PCDH11X: variants seen among roughly 807,000 people sequenced by gnomAD.
PCDH11X encodes the protein protocadherin-11 X-linked.
PCDH11X carries 18 observed loss-of-function variants against 53.3 expected under a neutral mutation model. The observed-to-expected ratio is 0.34, with a 90% confidence interval of 0.23 to 0.50. PCDH11X has a LOEUF of 0.50. PCDH11X is among the 20% of genes least tolerant of loss of function. The pLI is 0.98. For synonymous variants in PCDH11X, 279 were observed against 393.3 expected (o/e 0.71, Z 3.44); for missense variants, 570 against 1,032.4 (o/e 0.55, Z 6.14).
At chrX:92,301,460 G>A (rs1269738813) in intron 8 of PCDH11X, among the ~76,000 whole-genome samples, 4 of 108,326 alleles carry the variant, frequency 3.7e-5, no homozygotes, top group Non-Finnish European at 5.7e-5. Context: ...AACCTTCTGG[G>A]CTCCACATAG....
intron 6 of PCDH11X, among the ~76,000 whole-genome samples, chrX:92,001,086 A>G (rs1193934948): frequency 6.5e-5 from 7 of 107,039 alleles, no homozygotes; most frequent in Non-Finnish European, 1.2e-4. Flanking sequence ...TCTTTTGGGT[A>G]TATACACAGC....
intron 9 of PCDH11X, among the ~76,000 whole-genome samples, chrX:92,445,125 T>A (rs149679976): frequency 0.025 from 2,566 of 103,489 alleles, 68 homozygotes; most frequent in Middle Eastern, 0.073. Context: ...ATAGTTTCAG[T>A]AGAATTGGGA....
chrX:92,159,616 T>TA (rs34112170), intron 6 of PCDH11X, among the ~76,000 whole-genome samples: 130 of 95,666 alleles, frequency 1.4e-3, no homozygotes, highest in Non-Finnish European at 2.1e-3. Context: ...TCATTGGGAT[T>TA]AAAAAAAAAA....
intron 5 of PCDH11X, among the ~76,000 whole-genome samples, chrX:91,847,410 G>A (rs1199381677): frequency 3.6e-5 from 4 of 110,517 alleles, no homozygotes; most frequent in East Asian, 5.7e-4. Context: ...TATTAGGATG[G>A]GTATATCATT....
chrX:92,369,796 C>T (rs895973902), intron 8 of PCDH11X, among the ~76,000 whole-genome samples: 1 of 111,064 alleles, frequency 9.0e-6, no homozygotes, highest in Non-Finnish European at 1.9e-5. Flanking sequence ...CGATGCCCCA[C>T]CCTGCTTCTG....
intron 6 of PCDH11X, among the ~76,000 whole-genome samples, chrX:92,101,226 G>A (rs139245763): frequency 0.013 from 1,446 of 111,327 alleles, 18 homozygotes; most frequent in African/African-American, 0.044. Flanking sequence ...ATAGGAGTAT[G>A]ACTAGACAGA....
At chrX:91,830,673 AG>A (rs921996685) in intron 4 of PCDH11X, among the ~76,000 whole-genome samples, 19 of 111,350 alleles carry the variant, frequency 1.7e-4, no homozygotes, top group African/African-American at 5.9e-4. Context: ...AGAACACAAC[AG>A]TAGTGACCAC....
At chrX:91,942,756 A>G (rs973267695) in intron 6 of PCDH11X, among the ~76,000 whole-genome samples, 2 of 111,061 alleles carry the variant, frequency 1.8e-5, no homozygotes, top group African/African-American at 6.5e-5. Context: ...CTAAAAATCC[A>G]AAAGAAAAAA....
chrX:91,943,937 G>A (rs1234150495), intron 6 of PCDH11X, among the ~76,000 whole-genome samples: 1 of 105,740 alleles, frequency 9.5e-6, no homozygotes, highest in African/African-American at 3.4e-5. Flanking sequence ...AATAAACTCG[G>A]TGAGAGCCAT....
chrX:91,843,768 A>G (rs1937569294), intron 5 of PCDH11X, among the ~76,000 whole-genome samples: 1 of 111,283 alleles, frequency 9.0e-6, no homozygotes, highest in Non-Finnish European at 1.9e-5. Context: ...TTAACTTATG[A>G]TATCTTATTT....
chrX:91,883,753 C>A, intron 6 of PCDH11X: 4 of 585,840 alleles, frequency 6.8e-6, no homozygotes, highest in Non-Finnish European at 8.2e-6. Context: ...TGCAGTGAGC[C>A]GAGATGGCGC....
chrX:92,273,905 T>A (rs1381331556), intron 8 of PCDH11X, among the ~76,000 whole-genome samples: 1 of 110,723 alleles, frequency 9.0e-6, no homozygotes, highest in Non-Finnish European at 1.9e-5. Context: ...CAAAGATTAC[T>A]TATTTACTTC....
intron 6 of PCDH11X, among the ~76,000 whole-genome samples, chrX:92,014,685 C>G (rs113098848): frequency 0.11 from 11,876 of 111,590 alleles, 763 homozygotes; most frequent in Admixed American, 0.32. Context: ...CACATATACA[C>G]CATGGAATAC....
chrX:91,846,780 C>G (rs1431639572), intron 5 of PCDH11X, among the ~76,000 whole-genome samples: 1 of 110,047 alleles, frequency 9.1e-6, no homozygotes, highest in Non-Finnish European at 1.9e-5. Flanking sequence ...GGTGCATTGC[C>G]ACAAGGAATT....
chrX:91,950,393 G>A (rs1360258919), intron 6 of PCDH11X, among the ~76,000 whole-genome samples: 1 of 108,799 alleles, frequency 9.2e-6, no homozygotes, highest in African/African-American at 3.3e-5. Flanking sequence ...ACTTATAAGT[G>A]AGAACATGCA....
intron 4 of PCDH11X, among the ~76,000 whole-genome samples, chrX:91,827,467 C>T (rs1373324195): frequency 9.0e-6 from 1 of 110,941 alleles, no homozygotes; most frequent in Non-Finnish European, 1.9e-5. Flanking sequence ...TAATTAGATC[C>T]CATTTGTCAA....
chrX:92,310,001 A>G (rs1187849718), intron 8 of PCDH11X, among the ~76,000 whole-genome samples: 1 of 112,002 alleles, frequency 8.9e-6, no homozygotes, highest in Admixed American at 9.5e-5. Flanking sequence ...CAATTTCCAG[A>G]TACTCTAGTT....
At chrX:92,099,474 C>T (rs1232207906) in intron 6 of PCDH11X, among the ~76,000 whole-genome samples, 2 of 109,976 alleles carry the variant, frequency 1.8e-5, no homozygotes, top group African/African-American at 6.7e-5. Context: ...GAGCTACATT[C>T]ATCATTTTAA....
intron 1 of PCDH11X, among the ~76,000 whole-genome samples, chrX:91,792,813 T>C (rs1204458642): frequency 1.8e-5 from 2 of 111,507 alleles, no homozygotes; most frequent in African/African-American, 6.5e-5. Context: ...TATTTTTATA[T>C]CCTATGCCAA....
Sources: gnomAD v4.1 joint callset for allele counts (sites outside exome capture counted in the v4.1 genomes callset) on GRCh38, gnomAD v4.1.1 for gene constraint, MANE v1.5 for transcripts, NCBI Gene and HGNC (gene_info 2026-07-23, HGNC 2026-07-21) for gene names.